Variants in PREX2 observed in about 807,000 individuals in gnomAD.
PREX2 encodes phosphatidylinositol 3,4,5-trisphosphate-dependent Rac exchanger 2 protein.
PREX2 carries 107 observed loss-of-function variants against 203.2 expected under a neutral mutation model. That is an observed-to-expected ratio of 0.53 (90% confidence interval 0.45 to 0.62). The LOEUF (loss-of-function observed/expected upper bound fraction) is 0.62. PREX2 is among the 20% of genes least tolerant of loss of function. The pLI is 0.00. For missense variants in PREX2, 1,777 were observed against 1,955.9 expected, an observed-to-expected ratio of 0.91 and a Z score of 1.72; for synonymous variants, 672 against 663.6, an observed-to-expected ratio of 1.01 and a Z score of -0.19.
intron 31 of PREX2, among the ~76,000 whole-genome samples, chr8:68,128,605 A>G (rs921696724): frequency 4.6e-5 from 7 of 152,062 alleles, no homozygotes; most frequent in Non-Finnish European, 8.8e-5. Context: ...GGCTGCCTGG[A>G]CTGCCTGTCT....
chr8:68,125,625 T>C (rs1207105940), intron 30 of PREX2, among the ~76,000 whole-genome samples: 1 of 152,144 alleles, frequency 6.6e-6, no homozygotes, highest in Non-Finnish European at 1.5e-5. Flanking sequence ...AGGTAAGTTA[T>C]GGCCTCATAT....
intron 35 of PREX2, among the ~76,000 whole-genome samples, chr8:68,166,737 G>A (rs1033117983): frequency 6.6e-6 from 1 of 152,108 alleles, no homozygotes; most frequent in Non-Finnish European, 1.5e-5. Flanking sequence ...GGAGGCTGAG[G>A]TAGAAGGATC....
Position 68,207,625 on chromosome 8 carries a change from G to A in PREX2, c.4605-9991G>A, listed in dbSNP as rs570424325. On this transcript the variant is annotated intron_variant, in intron 37 of 39. Coordinates refer to ENST00000288368, the MANE Select transcript of PREX2 (RefSeq NM_024870.4). ...AACGTTTATTGAGAATAAATGACAC[G>A]CTATACTTCATACTAAGTATTAGGC... 4.3e-4 allele frequency among the ~76,000 whole-genome samples: 66 copies of A among 152,066 alleles called. No homozygotes were observed. The South Asian group carries it at 0.014, about 31-fold the overall frequency.
chr8:68,037,523 T>G (rs1808069101), intron 6 of PREX2, among the ~76,000 whole-genome samples: 1 of 152,190 alleles, frequency 6.6e-6, no homozygotes, highest in African/African-American at 2.4e-5. Context: ...TCAGTTCTAG[T>G]GGCCAGTGCT....
At chr8:68,080,404 G>T in intron 15 of PREX2, 39 bp from the exon 16 acceptor site, 2 of 1,594,746 alleles carry the variant, frequency 1.3e-6, no homozygotes, top group South Asian at 2.3e-5. Context: ...TGCGATTTTT[G>T]AATTAGCTGA....
intron 23 of PREX2, chr8:68,105,674 ATATGGAT>A: frequency 1.6e-4 from 47 of 290,600 alleles, no homozygotes; most frequent in African/African-American, 3.6e-4. Flanking sequence ...GACCATATAT[ATATGGAT>A]TATATATATA....
At chr8:68,045,947 G>A (rs1439967457) in intron 8 of PREX2, among the ~76,000 whole-genome samples, 2 of 149,888 alleles carry the variant, frequency 1.3e-5, no homozygotes, top group Admixed American at 6.7e-5. Context: ...GCTAAGAGCT[G>A]TCTTGCCTCT....
At position 67,968,067 on chromosome 8, in the gene PREX2, G is replaced by T. The variant is rs1476200509; in HGVS notation, c.141+15532G>T. ...GTGCACATGTACCCTAGAACTTAAA[G>T]TATAAAAAAAAAAAAAAGAGTACCT... On this transcript the variant is annotated intron_variant, in intron 1 of 39. Coordinates refer to ENST00000288368, the MANE Select transcript of PREX2 (RefSeq NM_024870.4). Among the ~76,000 whole-genome samples the T allele has an allele frequency of 3.2e-5, 3 of 94,116 alleles. No homozygotes were observed. The East Asian group carries it at 9.4e-4, about 30-fold the overall frequency. 61.7% of individuals were successfully genotyped at this position (94,116 alleles called of 152,430 possible).
chr8:68,059,593 T>A, intron 10 of PREX2, among the ~76,000 whole-genome samples: 1 of 152,236 alleles, frequency 6.6e-6, no homozygotes, highest in Non-Finnish European at 1.5e-5. Context: ...TCTATTGCTG[T>A]ATAACAAATG....
rs371703694 is a variant in PREX2, at chr8:68,178,408, C to CAT, written c.4347-13311_4347-13310dup. Among the ~76,000 whole-genome samples, 218 of 151,882 alleles carry CAT rather than the reference C, an allele frequency of 1.4e-3. 1 individual carries two copies. The highest frequency in any genetic ancestry group is 4.9e-3 in the African/African-American group (205 of 41,466). On this transcript the variant is annotated intron_variant, in intron 35 of 39. Coordinates refer to ENST00000288368, the MANE Select transcript of PREX2 (RefSeq NM_024870.4). ...AGCTTTTTTTCATAGGCTTGTTGTCCATATGTATGTCTTCTTTTGAGAACT... is the reference window on the plus strand; with the variant it reads ...AGCTTTTTTTCATAGGCTTGTTGTCCATATATGTATGTCTTCTTTTGAGAACT...
At chr8:68,023,069 A>G (rs1440244837) in intron 4 of PREX2, among the ~76,000 whole-genome samples, 2 of 152,180 alleles carry the variant, frequency 1.3e-5, no homozygotes, top group African/African-American at 4.8e-5. Flanking sequence ...TTGGGCTCCT[A>G]TAAATAATGC....
chr8:68,012,287 T>G (rs542942062), intron 1 of PREX2, among the ~76,000 whole-genome samples: 2 of 152,318 alleles, frequency 1.3e-5, no homozygotes, highest in East Asian at 3.9e-4. Flanking sequence ...TTTATTTTTA[T>G]TTTTTGATTT....
Position 68,192,326 on chromosome 8 carries a change from T to C in PREX2, c.4414-9T>C. Reference sequence around the variant, plus strand: ...GTTGAACTTGACGTTCATCACTTTTTTTCTGCAGCTAATGAGGCCTCTCAA... The same window carrying C: ...GTTGAACTTGACGTTCATCACTTTTCTTCTGCAGCTAATGAGGCCTCTCAA... On this transcript the variant is annotated splice_polypyrimidine_tract_variant and intron_variant, in intron 36 of 39. Coordinates refer to ENST00000288368, the MANE Select transcript of PREX2 (RefSeq NM_024870.4). 1 of 1,575,740 alleles carries C rather than the reference T, an allele frequency of 6.3e-7. No individual in the cohort carries two copies. The highest frequency in any genetic ancestry group is 1.2e-5 in the South Asian group (1 of 86,884).
chr8:68,144,585 T>A (rs1487255671), intron 33 of PREX2, among the ~76,000 whole-genome samples: 4 of 152,132 alleles, frequency 2.6e-5, no homozygotes, highest in African/African-American at 7.2e-5. Flanking sequence ...GGAGCAGTTT[T>A]TTGTTGATAT....
At chr8:68,078,779 A>G (rs1290714570) in intron 15 of PREX2, among the ~76,000 whole-genome samples, 1 of 145,504 alleles carries the variant, frequency 6.9e-6, no homozygotes, top group East Asian at 2.0e-4. Flanking sequence ...AAAAGTTTCA[A>G]TTTTTTTTCT....
At chr8:68,106,932 AAC>A (rs1406926975) in intron 23 of PREX2, among the ~76,000 whole-genome samples, 1 of 152,154 alleles carries the variant, frequency 6.6e-6, no homozygotes, top group Non-Finnish European at 1.5e-5. Flanking sequence ...CTGTAACTAA[AAC>A]ATGGTAGCTA....
At chr8:68,102,563 C>T (rs566797833) in intron 23 of PREX2, among the ~76,000 whole-genome samples, 3 of 152,166 alleles carry the variant, frequency 2.0e-5, no homozygotes, top group Admixed American at 1.3e-4. Flanking sequence ...ATAGCATTTG[C>T]GAATATAGAT....
rs139183440 is a variant in PREX2, at chr8:68,028,134, A to C, written c.543+811A>C. On this transcript the variant is annotated intron_variant, in intron 5 of 39. Transcript: ENST00000288368. ...TAATGCCTTGGTTTTTCATTTATGA[A>C]ATAGAGATGATGATTATGATGATGA... 5.8e-3 allele frequency among the ~76,000 whole-genome samples: 879 copies of C among 152,078 alleles called. 7 individuals carry two copies. Among genetic ancestry groups the C allele is most frequent in the African/African-American group, 0.02 (836 of 41,492 alleles).
intron 37 of PREX2, among the ~76,000 whole-genome samples, chr8:68,207,347 A>G (rs1291579427): frequency 6.6e-6 from 1 of 152,228 alleles, no homozygotes; most frequent in Non-Finnish European, 1.5e-5. Flanking sequence ...CACTTCCCAG[A>G]ATATATTTAA....
Sources: gnomAD v4.1 joint callset for allele counts (sites outside exome capture counted in the v4.1 genomes callset) on GRCh38, gnomAD v4.1.1 for gene constraint, MANE v1.5 for transcripts, NCBI Gene and HGNC (gene_info 2026-07-23, HGNC 2026-07-21) for gene names.